The following SLC35F3 variants were observed in gnomAD, a reference collection of about 807,000 sequenced individuals.
The protein encoded by SLC35F3 is putative thiamine transporter SLC35F3.
A neutral mutation model predicts 49.9 loss-of-function variants in SLC35F3; 25 were observed. The observed-to-expected ratio is 0.50, with a 90% confidence interval of 0.37 to 0.70. The LOEUF (loss-of-function observed/expected upper bound fraction) is 0.70, where lower values mean the gene tolerates loss of function less well. Ranked by LOEUF, SLC35F3 falls within the 30% of genes least tolerant of loss-of-function variation. The probability of loss-of-function intolerance (pLI) is 0.00; values close to 1 mark genes in which losing one functional copy is unlikely to be tolerated. For synonymous variants in SLC35F3, 275 were observed against 265.4 expected (o/e 1.04, Z -0.35); for missense variants, 525 against 639.8 (o/e 0.82, Z 1.94).
At chr1:234,035,769 A>G (rs1328088935) in intron 2 of SLC35F3, among the ~76,000 whole-genome samples, 1 of 152,072 alleles carries the variant, frequency 6.6e-6, no homozygotes, top group Non-Finnish European at 1.5e-5. Context: ...TTGTTTGCCA[A>G]CTTTTTAAAT....
intron 2 of SLC35F3, among the ~76,000 whole-genome samples, chr1:234,132,078 G>C (rs10910355): frequency 0.39 from 58,856 of 151,750 alleles, 13,315 homozygotes; most frequent in Middle Eastern, 0.52. Context: ...AGGAGGTTTG[G>C]AACATCTCTT....
At chr1:234,077,348 G>A (rs570754780) in intron 2 of SLC35F3, among the ~76,000 whole-genome samples, 42 of 152,338 alleles carry the variant, frequency 2.8e-4, no homozygotes, top group African/African-American at 1.0e-3. Context: ...GTCTGGAGAG[G>A]CCTCAGGAAA....
At chr1:234,040,434 G>A (rs952792196) in intron 2 of SLC35F3, among the ~76,000 whole-genome samples, 1 of 152,214 alleles carries the variant, frequency 6.6e-6, no homozygotes, top group Non-Finnish European at 1.5e-5. Context: ...ACAGGTTTCA[G>A]GCTTTTTGAC....
At chr1:234,120,516 C>T (rs754013174) in intron 2 of SLC35F3, among the ~76,000 whole-genome samples, 8 of 152,206 alleles carry the variant, frequency 5.3e-5, no homozygotes, top group Non-Finnish European at 7.3e-5. Context: ...TTTGATTGCC[C>T]AGTATGGCCA....
At chr1:234,163,190 G>T (rs755484961) in intron 2 of SLC35F3, among the ~76,000 whole-genome samples, 5 of 152,146 alleles carry the variant, frequency 3.3e-5, no homozygotes, top group Admixed American at 6.5e-5. Flanking sequence ...ATCAGTTTTG[G>T]TTTTTTCTTG....
At chr1:234,315,818 A>G (rs1475207875) in intron 4 of SLC35F3, among the ~76,000 whole-genome samples, 2 of 152,122 alleles carry the variant, frequency 1.3e-5, no homozygotes, top group Non-Finnish European at 1.5e-5. Context: ...CAGTCCTTGT[A>G]TTGATTCTCT....
intron 2 of SLC35F3, among the ~76,000 whole-genome samples, chr1:234,135,915 A>G (rs1041989421): frequency 8.5e-5 from 13 of 152,252 alleles, no homozygotes; most frequent in African/African-American, 2.7e-4. Flanking sequence ...TAAGGAGGGC[A>G]GTCCCAGTCC....
At chr1:234,010,732 A>G (rs1050648786) in intron 2 of SLC35F3, among the ~76,000 whole-genome samples, 61 of 152,154 alleles carry the variant, frequency 4.0e-4, no homozygotes, top group African/African-American at 1.2e-3. Context: ...AGGTGCTCCA[A>G]TGTTAGAGCA....
intron 3 of SLC35F3, among the ~76,000 whole-genome samples, chr1:234,256,744 A>G (rs780576407): frequency 2.6e-5 from 4 of 152,254 alleles, no homozygotes; most frequent in Admixed American, 6.5e-5. Flanking sequence ...ATGAAGCTCA[A>G]TTGTGCATGT....
chr1:234,216,640 C>T (rs982141704), intron 2 of SLC35F3, among the ~76,000 whole-genome samples: 5 of 152,206 alleles, frequency 3.3e-5, no homozygotes, highest in African/African-American at 1.2e-4. Context: ...TCATAAATGC[C>T]TGTGGATAAC....
chr1:234,278,991 T>C (rs111314886), intron 3 of SLC35F3, among the ~76,000 whole-genome samples: 9,139 of 152,210 alleles, frequency 0.06, 331 homozygotes, highest in African/African-American at 0.098. Context: ...GTGAAGGATG[T>C]GCGCTCCTGA....
chr1:233,979,135 C>T (rs1298739815), intron 2 of SLC35F3, among the ~76,000 whole-genome samples: 2 of 151,996 alleles, frequency 1.3e-5, no homozygotes, highest in African/African-American at 2.4e-5. Flanking sequence ...CAGGGCCAGG[C>T]CAGTCCACAG....
At chr1:233,949,721 C>T (rs190678530) in intron 2 of SLC35F3, among the ~76,000 whole-genome samples, 96 of 152,186 alleles carry the variant, frequency 6.3e-4, no homozygotes, top group African/African-American at 2.0e-3. Flanking sequence ...GCTAGCAGCC[C>T]GAGTGAGGCT....
intron 2 of SLC35F3, among the ~76,000 whole-genome samples, chr1:234,020,681 C>T (rs898654391): frequency 1.3e-5 from 2 of 152,116 alleles, no homozygotes; most frequent in African/African-American, 4.8e-5. Context: ...GCAATTCTTT[C>T]AGTGCTACAG....
chr1:234,169,976 C>G (rs1057434791), intron 2 of SLC35F3, among the ~76,000 whole-genome samples: 1 of 152,134 alleles, frequency 6.6e-6, no homozygotes, highest in Non-Finnish European at 1.5e-5. Flanking sequence ...ACCGTGTTAG[C>G]CAGGATGGTC....
rs138160653 is a variant in SLC35F3, at chr1:234,081,948, G to C, written c.284-149469G>C. Among the ~76,000 whole-genome samples, 1,817 of 96,078 alleles carry C rather than the reference G, an allele frequency of 0.019. 209 individuals carry two copies. In the East Asian group the frequency reaches 0.35, roughly 19 times the overall value. The allele number at this position is 96,078 out of a possible 152,430, so 63.0% of individuals were successfully genotyped here. A position where few individuals can be genotyped will look rare whatever the true frequency, so the allele number is the denominator to read the frequency against. ...TTTTTTTTTTTTTTAGTAGAGACAG[G>C]GTTTCACCATGTTAGCCAGGATGGT... is the stretch of plus-strand genomic sequence containing the variant. On this transcript the variant is annotated intron_variant, in intron 2 of 7. Transcript: ENST00000366618.
intron 2 of SLC35F3, among the ~76,000 whole-genome samples, chr1:234,159,780 C>A (rs1406275505): frequency 6.6e-6 from 1 of 152,100 alleles, no homozygotes; most frequent in Non-Finnish European, 1.5e-5. Context: ...TTCATTCCCT[C>A]ACTCATTCAG....
intron 2 of SLC35F3, among the ~76,000 whole-genome samples, chr1:233,908,921 T>A (rs1661823111): frequency 6.6e-6 from 1 of 151,946 alleles, no homozygotes; most frequent in African/African-American, 2.4e-5. Context: ...AGTGGCACAA[T>A]CTCAGCTCAC....
intron 2 of SLC35F3, among the ~76,000 whole-genome samples, chr1:233,943,849 A>G (rs1025991169): frequency 6.6e-6 from 1 of 152,258 alleles, no homozygotes; most frequent in Non-Finnish European, 1.5e-5. Flanking sequence ...GGTTTAAGGA[A>G]ATAATCAGCT....
Sources: gnomAD v4.1 joint callset for allele counts (sites outside exome capture counted in the v4.1 genomes callset) on GRCh38, gnomAD v4.1.1 for gene constraint, MANE v1.5 for transcripts, NCBI Gene and HGNC (gene_info 2026-07-23, HGNC 2026-07-21) for gene names.